The following PCDHGA3 variants were observed in gnomAD, a reference collection of about 807,000 sequenced individuals.
The protein encoded by PCDHGA3 is protocadherin gamma subfamily A, 3.
A neutral mutation model predicts 58.5 loss-of-function variants in PCDHGA3; 40 were observed. That is an observed-to-expected ratio of 0.68 (90% CI 0.53 to 0.89). The LOEUF (loss-of-function observed/expected upper bound fraction) is 0.89, where lower values mean the gene tolerates loss of function less well. Among genes scored for constraint, PCDHGA3 ranks in the 40% least tolerant of loss-of-function variants. The pLI, the probability that PCDHGA3 is intolerant of heterozygous loss-of-function variation, is 0.00. For missense variants in PCDHGA3, 1,223 were observed against 1,195.9 expected, an observed-to-expected ratio of 1.02 and a Z score of -0.33; for synonymous variants, 530 against 525.7, an observed-to-expected ratio of 1.01 and a Z score of -0.11.
intron 1 of PCDHGA3, chr5:141,388,690 A>T: frequency 6.2e-7 from 1 of 1,614,030 alleles, no homozygotes; most frequent in Middle Eastern, 1.6e-4. Context: ...GCCACGGACC[A>T]GGATGAGGGT....
chr5:141,351,498 AC>A (rs1758736797), intron 1 of PCDHGA3: 1 of 1,613,898 alleles, frequency 6.2e-7, no homozygotes, highest in African/African-American at 1.3e-5. Context: ...CAGACAGCAG[AC>A]TACAACGTCA....
chr5:141,383,433 C>T, intron 1 of PCDHGA3: 1 of 1,613,986 alleles, frequency 6.2e-7, no homozygotes, highest in East Asian at 2.2e-5. Context: ...ATCGCCACTT[C>T]TCCCTGGCTG....
Position 141,489,214 on chromosome 5 carries a change from T to TA in PCDHGA3, c.2425-5592dup, listed in dbSNP as rs771766565. On this transcript the variant is annotated intron_variant, in intron 1 of 3. Transcript: ENST00000253812. This position sits in a 1 kb window ranked among gnomAD's most constrained non-coding sequence, Gnocchi z 4.5. ...CCTTGGAGACAGGACAGCACAGACTTACTCTCCACAAAGGGACTTCTGGGT... is the reference window on the plus strand; with the variant it reads ...CCTTGGAGACAGGACAGCACAGACTTAACTCTCCACAAAGGGACTTCTGGGT... 216 of 1,480,534 alleles carry TA rather than the reference T, an allele frequency of 1.5e-4. 4 individuals are homozygous for TA. The South Asian group carries it at 2.1e-3, about 14-fold the overall frequency. 91.7% of individuals were successfully genotyped at this position (1,480,534 alleles called of 1,614,324 possible).
intron 1 of PCDHGA3, among the ~76,000 whole-genome samples, chr5:141,472,445 C>T (rs2099280467): frequency 6.6e-6 from 1 of 151,956 alleles, no homozygotes; most frequent in Non-Finnish European, 1.5e-5. Flanking sequence ...GAGGCTGAGG[C>T]AGGAGAATCG....
At chr5:141,409,133 G>A in intron 1 of PCDHGA3, 1 of 1,614,002 alleles carries the variant, frequency 6.2e-7, no homozygotes, top group Non-Finnish European at 8.5e-7. Flanking sequence ...TGATTTTGAA[G>A]ATGTAGAAAG....
chr5:141,421,926 C>T, intron 1 of PCDHGA3: 1 of 1,613,460 alleles, frequency 6.2e-7, no homozygotes, highest in Non-Finnish European at 8.5e-7. Context: ...GTGTGGTGGT[C>T]CTCGATGTAA....
intron 1 of PCDHGA3, among the ~76,000 whole-genome samples, chr5:141,359,848 T>C (rs1199292010): frequency 6.6e-6 from 1 of 152,126 alleles, no homozygotes; most frequent in Non-Finnish European, 1.5e-5. Flanking sequence ...ATGAAGACTT[T>C]ATAAATTAAA....
chr5:141,379,118 C>G (rs180933858), intron 1 of PCDHGA3: 2 of 152,296 alleles, frequency 1.3e-5, no homozygotes, highest in Admixed American at 1.3e-4. Flanking sequence ...GAGAAGATAC[C>G]TTGAAAATAA....
At chr5:141,428,275 G>C in intron 1 of PCDHGA3, 1 of 767,218 alleles carries the variant, frequency 1.3e-6, no homozygotes, top group Non-Finnish European at 2.2e-6. Context: ...TGTGCCCTCT[G>C]ATTCCCAAGC....
intron 1 of PCDHGA3, among the ~76,000 whole-genome samples, chr5:141,358,371 C>T (rs1760899906): frequency 6.6e-6 from 1 of 152,170 alleles, no homozygotes; most frequent in Admixed American, 6.5e-5. Context: ...CCTATTTTCA[C>T]ACTCTACCAT....
intron 1 of PCDHGA3, among the ~76,000 whole-genome samples, chr5:141,460,445 G>A (rs896549154): frequency 7.2e-5 from 11 of 152,144 alleles, no homozygotes; most frequent in Admixed American, 5.9e-4. Flanking sequence ...AGGTAACAAT[G>A]AAGATTCATA....
intron 1 of PCDHGA3, chr5:141,408,572 G>A (rs745760240): frequency 4.3e-6 from 7 of 1,614,048 alleles, no homozygotes; most frequent in East Asian, 2.2e-5. Flanking sequence ...TGTGGTGATT[G>A]AGGATGTTAA....
In PCDHGA3 at chr5:141,431,501, C is replaced by G; in HGVS notation, c.2425-63306C>G. On this transcript the variant is annotated intron_variant, in intron 1 of 3. Coordinates refer to ENST00000253812, the MANE Select transcript of PCDHGA3 (RefSeq NM_018916.4). This position sits in a 1 kb window ranked among gnomAD's most constrained non-coding sequence, Gnocchi z 4.8. ...ACCAGCGTTTGCTCAGCCCGAGTAC[C>G]GCGCGAGCGTTCCGGAGAATCTGGC... is the stretch of plus-strand genomic sequence containing the variant. 1 of 1,614,010 alleles carries G rather than the reference C, an allele frequency of 6.2e-7. No homozygotes were observed. The highest frequency in any genetic ancestry group is 8.5e-7 in the Non-Finnish European group (1 of 1,180,034).
intron 1 of PCDHGA3, chr5:141,414,590 G>A: frequency 6.2e-7 from 1 of 1,613,936 alleles, no homozygotes; most frequent in Non-Finnish European, 8.5e-7. Flanking sequence ...AACGCCAGGG[G>A]TGCCTCCATC....
chr5:141,377,665 G>T (rs1040007479), intron 1 of PCDHGA3: 1 of 151,618 alleles, frequency 6.6e-6, no homozygotes, highest in Admixed American at 6.6e-5. Flanking sequence ...AACGACAGAC[G>T]TTCATACAAG....
chr5:141,350,849 C>A, intron 1 of PCDHGA3: 1 of 1,614,064 alleles, frequency 6.2e-7, no homozygotes, highest in Non-Finnish European at 8.5e-7. Flanking sequence ...GGAAAAACCT[C>A]TAGACAGGGA....
intron 1 of PCDHGA3, among the ~76,000 whole-genome samples, chr5:141,470,572 A>G (rs1349952470): frequency 6.6e-6 from 1 of 152,208 alleles, no homozygotes; most frequent in Non-Finnish European, 1.5e-5. Flanking sequence ...GCCAAGCAGG[A>G]TCAACTTCAT....
rs1283688342 is a variant in PCDHGA3, at chr5:141,437,688, T to G, written c.2425-57119T>G. On this transcript the variant is annotated intron_variant, in intron 1 of 3. Transcript: ENST00000253812. ...GAGATGTTGATCAAACTGATGAGGCTAAATCTCAAGAAAGAGACACAGTTA... is the reference window on the plus strand; with the variant it reads ...GAGATGTTGATCAAACTGATGAGGCGAAATCTCAAGAAAGAGACACAGTTA... Among the ~76,000 whole-genome samples the G allele has an allele frequency of 4.0e-5, 6 of 151,890 alleles. 1 individual carries two copies. The East Asian group carries it at 1.2e-3, about 29-fold the overall frequency.
Position 141,418,384 on chromosome 5 carries a change from C to T in PCDHGA3, c.2424+71927C>T, listed in dbSNP as rs774636792. 5 of 1,613,982 alleles carry T rather than the reference C, an allele frequency of 3.1e-6. No homozygotes were observed. In the South Asian group the frequency reaches 4.4e-5, roughly 14 times the overall value. ...TGAGCAAATACCAACTAAGTCCTAA[C>T]GAGTATTTCTCATTGGTGGAGAAAG... is the stretch of plus-strand genomic sequence containing the variant. On this transcript the variant is annotated intron_variant, in intron 1 of 3. Coordinates refer to ENST00000253812, the MANE Select transcript of PCDHGA3 (RefSeq NM_018916.4).
Sources: gnomAD v4.1 joint callset for allele counts (sites outside exome capture counted in the v4.1 genomes callset) on GRCh38, gnomAD v4.1.1 for gene constraint, Gnocchi (gnomAD v3.1) non-coding constraint, MANE v1.5 for transcripts, NCBI Gene and HGNC (gene_info 2026-07-23, HGNC 2026-07-21) for gene names.